The following CDH12 variants were observed in gnomAD, a reference collection of about 807,000 sequenced individuals.
CDH12 encodes the protein cadherin-12.
CDH12 carries 41 observed loss-of-function variants against 74.1 expected under a neutral mutation model. That is an observed-to-expected ratio of 0.55 (90% CI 0.43 to 0.72). CDH12 has a LOEUF of 0.72. Ranked by LOEUF, CDH12 falls within the 30% of genes least tolerant of loss-of-function variation. The probability of loss-of-function intolerance (pLI) is 0.00; values close to 1 mark genes in which losing one functional copy is unlikely to be tolerated. For missense variants in CDH12, 945 were observed against 977.2 expected (o/e 0.97, Z 0.44); for synonymous variants, 399 against 355.0 (o/e 1.12, Z -1.39).
chr5:22,596,455 A>G (rs956252662), intron 1 of CDH12, among the ~76,000 whole-genome samples: 3 of 152,200 alleles, frequency 2.0e-5, no homozygotes, highest in African/African-American at 7.2e-5. Context: ...GAAAAAAAAT[A>G]TATACACAAA....
intron 5 of CDH12, among the ~76,000 whole-genome samples, chr5:22,007,318 T>C (rs1737025009): frequency 1.3e-5 from 2 of 152,088 alleles, no homozygotes; most frequent in South Asian, 2.1e-4. Context: ...TCACTGAGAG[T>C]AGATTTCAAG....
At chr5:21,796,717 T>C (rs535510049) in intron 10 of CDH12, among the ~76,000 whole-genome samples, 2 of 152,186 alleles carry the variant, frequency 1.3e-5, no homozygotes, top group African/African-American at 2.4e-5. Flanking sequence ...CTTTTATACG[T>C]TTGGAACAAA....
chr5:22,180,495 TTTG>T (rs70957098), intron 4 of CDH12, among the ~76,000 whole-genome samples: 63 of 65,690 alleles, frequency 9.6e-4, no homozygotes, highest in South Asian at 5.2e-3. Context: ...TTGATTTTTT[TTTG>T]TTTATTTTTT....
intron 1 of CDH12, among the ~76,000 whole-genome samples, chr5:22,658,917 G>T (rs1453860390): frequency 6.6e-6 from 1 of 151,984 alleles, no homozygotes; most frequent in Admixed American, 6.6e-5. Flanking sequence ...TTATAGGGGG[G>T]GATGTATTTT....
chr5:22,675,886 T>TATATATATATATATATATATATATAC (rs1364470668), intron 1 of CDH12, among the ~76,000 whole-genome samples: 3 of 145,290 alleles, frequency 2.1e-5, no homozygotes, highest in Middle Eastern at 3.6e-3. Flanking sequence ...TATATATATA[T>TATATATATATATATATATATATATAC]ACTTTTGTTT....
Position 22,681,131 on chromosome 5 carries a change from C to T in CDH12, c.-523+171927G>A, listed in dbSNP as rs191945114. ...GAATTATTTTCAAATAGAAAATAAC[C>T]AAAATTTTATTTTAAAAGAAAGAAT... On this transcript the variant is annotated intron_variant, in intron 1 of 14. Transcript: ENST00000382254. Among the ~76,000 whole-genome samples, 18 of 151,068 alleles carry T rather than the reference C, an allele frequency of 1.2e-4. No individual in the cohort carries two copies. In the East Asian group the frequency reaches 3.1e-3, roughly 26 times the overall value.
chr5:22,339,553 TGA>T (rs1303745920), intron 3 of CDH12, among the ~76,000 whole-genome samples: 2 of 152,302 alleles, frequency 1.3e-5, no homozygotes, highest in African/African-American at 4.8e-5. Flanking sequence ...TAATGATTCA[TGA>T]GAGAGATTTT....
intron 6 of CDH12, among the ~76,000 whole-genome samples, chr5:21,965,104 A>G (rs1005708167): frequency 2.0e-5 from 3 of 152,058 alleles, no homozygotes; most frequent in African/African-American, 7.2e-5. Context: ...AATGCTAGTA[A>G]GAAAAATACA....
At chr5:21,766,698 T>A (rs1745042949) in intron 11 of CDH12, among the ~76,000 whole-genome samples, 1 of 151,910 alleles carries the variant, frequency 6.6e-6, no homozygotes, top group African/African-American at 2.4e-5. Flanking sequence ...AAATAAAAGT[T>A]AACAAGTTGG....
intron 1 of CDH12, among the ~76,000 whole-genome samples, chr5:22,643,959 G>A (rs952624805): frequency 4.1e-4 from 62 of 151,564 alleles, no homozygotes; most frequent in Admixed American, 6.6e-4. Context: ...TTGGTTTGGG[G>A]GTTGTATGAA....
chr5:22,206,073 T>C (rs903813925), intron 4 of CDH12, among the ~76,000 whole-genome samples: 1 of 152,124 alleles, frequency 6.6e-6, no homozygotes, highest in East Asian at 1.9e-4. Flanking sequence ...GAAAAGCTTC[T>C]CAAGAAGGTT....
intron 5 of CDH12, among the ~76,000 whole-genome samples, chr5:22,033,702 A>G (rs1161656585): frequency 6.6e-6 from 1 of 152,192 alleles, no homozygotes; most frequent in African/African-American, 2.4e-5. Flanking sequence ...AGTGAGAAGA[A>G]GAAAACAGGC....
intron 3 of CDH12, among the ~76,000 whole-genome samples, chr5:22,227,852 C>T (rs561047743): frequency 6.6e-6 from 1 of 152,016 alleles, no homozygotes; most frequent in Non-Finnish European, 1.5e-5. Flanking sequence ...TCCAATGTGG[C>T]GACATGGCAC....
At chr5:22,037,119 A>T (rs1034864143) in intron 5 of CDH12, among the ~76,000 whole-genome samples, 1 of 152,232 alleles carries the variant, frequency 6.6e-6, no homozygotes, top group Non-Finnish European at 1.5e-5. Flanking sequence ...GGCAAGCCGT[A>T]AAGCTTGAAA....
chr5:22,719,829 T>A (rs1196440484), intron 1 of CDH12, among the ~76,000 whole-genome samples: 1 of 152,128 alleles, frequency 6.6e-6, no homozygotes, highest in Non-Finnish European at 1.5e-5. Context: ...TAATTGGAAA[T>A]ATTAGCTTGG....
At chr5:22,423,447 G>A (rs1743745293) in intron 2 of CDH12, among the ~76,000 whole-genome samples, 1 of 152,034 alleles carries the variant, frequency 6.6e-6, no homozygotes, top group East Asian at 1.9e-4. Context: ...TATTTCCCCT[G>A]GGGATTTCAG....
At chr5:22,001,907 T>C (rs1736628699) in intron 5 of CDH12, among the ~76,000 whole-genome samples, 1 of 151,740 alleles carries the variant, frequency 6.6e-6, no homozygotes, top group African/African-American at 2.4e-5. Flanking sequence ...ATGCCAATCT[T>C]TGGGTTGCTG....
At chr5:22,558,759 T>C (rs1214424289) in intron 1 of CDH12, among the ~76,000 whole-genome samples, 3 of 152,034 alleles carry the variant, frequency 2.0e-5, no homozygotes, top group African/African-American at 7.2e-5. Flanking sequence ...AATTAAGGTG[T>C]CAAAGGTGTA....
At chr5:22,404,331 T>C (rs1300383800) in intron 3 of CDH12, among the ~76,000 whole-genome samples, 1 of 152,146 alleles carries the variant, frequency 6.6e-6, no homozygotes, top group Non-Finnish European at 1.5e-5. Context: ...CTTTCAGCTC[T>C]TCTTTCCAAT....
Sources: gnomAD v4.1 joint callset for allele counts (sites outside exome capture counted in the v4.1 genomes callset) on GRCh38, gnomAD v4.1.1 for gene constraint, MANE v1.5 for transcripts, NCBI Gene and HGNC (gene_info 2026-07-23, HGNC 2026-07-21) for gene names.